Variants in ADGRD1 observed in about 807,000 individuals in gnomAD.
The protein encoded by ADGRD1 is adhesion G protein-coupled receptor D1, also known as G-protein coupled receptor 133.
Under a neutral mutation model 113.4 loss-of-function variants are expected in ADGRD1, and 77 were observed. The observed-to-expected ratio is 0.68, with a 90% CI of 0.57 to 0.82. The LOEUF (loss-of-function observed/expected upper bound fraction) is 0.82, where lower values mean the gene tolerates loss of function less well. Among genes scored for constraint, ADGRD1 ranks in the 40% least tolerant of loss-of-function variants. The probability of loss-of-function intolerance (pLI) is 0.00; values close to 1 mark genes in which losing one functional copy is unlikely to be tolerated. For missense variants in ADGRD1, 1,036 were observed against 1,139.1 expected, an observed-to-expected ratio of 0.91 and a Z score of 1.30; for synonymous variants, 474 against 475.0, an observed-to-expected ratio of 1.00 and a Z score of 0.03.
At chr12:131,117,128 A>C (rs1950485764) in intron 18 of ADGRD1, among the ~76,000 whole-genome samples, 2 of 152,252 alleles carry the variant, frequency 1.3e-5, no homozygotes, top group South Asian at 2.1e-4. Context: ...AATTCCTACA[A>C]GTAGTGTGGC....
intron 8 of ADGRD1, among the ~76,000 whole-genome samples, chr12:130,998,878 G>A (rs140840885): frequency 1.2e-3 from 181 of 152,322 alleles, no homozygotes; most frequent in African/African-American, 1.5e-3. Flanking sequence ...GATTAGCTAC[G>A]TGTGGCTCGT....
intron 13 of ADGRD1, chr12:131,023,555 G>A (rs1879579380): frequency 6.6e-6 from 1 of 152,118 alleles, no homozygotes; most frequent in South Asian, 2.1e-4. Flanking sequence ...CCTGTGAAGG[G>A]TGGTATACCA....
At chr12:131,045,738 T>C (rs989931443) in intron 13 of ADGRD1, among the ~76,000 whole-genome samples, 6 of 152,142 alleles carry the variant, frequency 3.9e-5, no homozygotes, top group Non-Finnish European at 8.8e-5. Flanking sequence ...AGATCATGCT[T>C]TCTCCTTGGG....
At position 131,046,573 on chromosome 12, in the gene ADGRD1, G is replaced by C. The variant is rs370687840; in HGVS notation, c.1474-30228G>C. 2.5e-3 allele frequency among the ~76,000 whole-genome samples: 261 copies of C among 104,850 alleles called. 3 individuals are homozygous for C. Among genetic ancestry groups the C allele is most frequent in the African/African-American group, 0.011 (227 of 21,304 alleles). 68.8% of individuals were successfully genotyped at this position (104,850 alleles called of 152,430 possible). On this transcript the variant is annotated intron_variant, in intron 13 of 24. Transcript: ENST00000261654. Reference sequence around the variant, plus strand: ...CTCCCTGGCCAGTGTCCTCCCTGGTGAGTGCTCCCTCCCTGGTCAGTGTCC... The same window carrying C: ...CTCCCTGGCCAGTGTCCTCCCTGGTCAGTGCTCCCTCCCTGGTCAGTGTCC...
At chr12:131,004,369 C>G in intron 11 of ADGRD1, 73 bp downstream of exon 11, 1 of 964,318 alleles carries the variant, frequency 1.0e-6, no homozygotes, top group East Asian at 2.5e-5. Context: ...CCAAGCTTTG[C>G]TGGGTGCCCA....
chr12:131,087,592 G>A lies in ADGRD1; in HGVS notation c.1671+2929G>A, dbSNP rs1357061027. On this transcript the variant is annotated intron_variant, in intron 15 of 24. Transcript: ENST00000261654. Reference sequence around the variant, plus strand: ...AGGCTGGTGGGACCCAAGCCCACCCGTTGCCCGCACCCTTCAGTGGTAAAT... The same window carrying A: ...AGGCTGGTGGGACCCAAGCCCACCCATTGCCCGCACCCTTCAGTGGTAAAT... Among the ~76,000 whole-genome samples, 5 of 152,200 alleles carry A rather than the reference G, an allele frequency of 3.3e-5. No homozygotes were observed. The South Asian group carries it at 6.2e-4, about 19-fold the overall frequency.
chr12:130,987,439 C>A, intron 6 of ADGRD1, 90 bp downstream of exon 6: 1 of 1,466,276 alleles, frequency 6.8e-7, no homozygotes, highest in Non-Finnish European at 9.4e-7. Flanking sequence ...TCTCCCGTTG[C>A]AGCTATCAGC....
At position 131,003,918 on chromosome 12, in the gene ADGRD1, C is replaced by A. The variant is rs1172861693; in HGVS notation, c.1145-268C>A. Among the ~76,000 whole-genome samples the A allele has an allele frequency of 6.6e-6, 1 of 152,064 alleles. No individual in the cohort carries two copies. The highest frequency in any genetic ancestry group is 2.4e-5 in the African/African-American group (1 of 41,414). On this transcript the variant is annotated intron_variant, in intron 10 of 24. Coordinates refer to ENST00000261654, the MANE Select transcript of ADGRD1 (RefSeq NM_198827.5). This position sits in a 1 kb window ranked among gnomAD's most constrained non-coding sequence, Gnocchi z 4.8. ...TTGCACCGGCCTTGAGAGCTGGGGGCTGTGCTGGGGCGGAGGGCGCCCCAG... is the reference window on the plus strand; with the variant it reads ...TTGCACCGGCCTTGAGAGCTGGGGGATGTGCTGGGGCGGAGGGCGCCCCAG...
intron 15 of ADGRD1, among the ~76,000 whole-genome samples, chr12:131,094,587 C>CT (rs1431458137): frequency 5.3e-5 from 8 of 152,080 alleles, no homozygotes; most frequent in Non-Finnish European, 8.8e-5. Context: ...GCAGCGCCCC[C>CT]CCGACTCCCC....
intron 9 of ADGRD1, among the ~76,000 whole-genome samples, chr12:131,000,707 C>G (rs1233894898): frequency 6.8e-6 from 1 of 146,844 alleles, no homozygotes; most frequent in Non-Finnish European, 1.5e-5. Context: ...TGCCACTGCA[C>G]TCCAGCCTGG....
intron 20 of ADGRD1, among the ~76,000 whole-genome samples, chr12:131,123,861 G>C (rs1175113605): frequency 6.6e-6 from 1 of 151,550 alleles, no homozygotes; most frequent in Non-Finnish European, 1.5e-5. Context: ...TTCAAGTGCA[G>C]AGGCCAGCAA....
Position 131,108,839 on chromosome 12 carries a change from A to T in ADGRD1, c.2003A>T (p.Glu668Val), listed in dbSNP as rs1950289951. 1.3e-6 allele frequency: 2 copies of T among 1,570,274 alleles called. No homozygotes were observed. The highest frequency in any genetic ancestry group is 1.7e-6 in the Non-Finnish European group (2 of 1,152,408). ...YSMVIKVFGS[E>V]DSKHRYYYGM... is the part of the protein sequence containing the mutation. Reference sequence around the variant, plus strand: ...ATGGTGATCAAGGTCTTTGGGTCGGAGGACAGCAAGCACCGTTACTACTAT... The same window carrying T: ...ATGGTGATCAAGGTCTTTGGGTCGGTGGACAGCAAGCACCGTTACTACTAT... Residue 668 changes from glutamate to valine, a missense_variant, in exon 18 of 25, where the codon GAG (glutamate) becomes GTG (valine). By Grantham distance (121) the Glu-to-Val change is moderately radical. Transcript: ENST00000261654.
intron 13 of ADGRD1, among the ~76,000 whole-genome samples, chr12:131,040,550 C>G (rs142711410): frequency 1.4e-3 from 219 of 152,362 alleles, no homozygotes; most frequent in African/African-American, 5.1e-3. Flanking sequence ...CCTGTGAGCA[C>G]CACCGTGGGC....
chr12:131,127,410 C>T (rs1293658349), intron 20 of ADGRD1, among the ~76,000 whole-genome samples: 1 of 152,246 alleles, frequency 6.6e-6, no homozygotes, highest in East Asian at 1.9e-4. Flanking sequence ...GGGGCAGAAC[C>T]ACGCTTTATA....
Position 130,984,810 on chromosome 12 carries a change from T to G in ADGRD1, c.491-2285T>G. Among the ~76,000 whole-genome samples the G allele has an allele frequency of 7.3e-6, 1 of 137,914 alleles. No homozygotes were observed. 90.5% of individuals were successfully genotyped at this position (137,914 alleles called of 152,430 possible). A position where few individuals can be genotyped will look rare whatever the true frequency, so the allele number is the denominator to read the frequency against. On this transcript the variant is annotated intron_variant, in intron 5 of 24. Coordinates refer to ENST00000261654, the MANE Select transcript of ADGRD1 (RefSeq NM_198827.5). This position sits in a 1 kb window ranked among gnomAD's most constrained non-coding sequence, Gnocchi z 4.1. ...TCTTTTCCTTCTTTCCCTCCCTCCC[T>G]TCCTCCCTCCCTTCCTTCCTTCCTT...
chr12:130,995,436 T>C (rs896385021), intron 8 of ADGRD1, among the ~76,000 whole-genome samples: 1 of 152,276 alleles, frequency 6.6e-6, no homozygotes, highest in Admixed American at 6.5e-5. Context: ...CTTTCCTTGC[T>C]GCTTTTCTTC....
intron 13 of ADGRD1, among the ~76,000 whole-genome samples, chr12:131,044,348 T>A (rs145254002): frequency 1.7e-3 from 266 of 152,206 alleles, no homozygotes; most frequent in Middle Eastern, 3.4e-3. Flanking sequence ...GGTCCGCGCG[T>A]GTTGCTGTCC....
At chr12:131,092,480 G>A (rs1886974793) in intron 15 of ADGRD1, among the ~76,000 whole-genome samples, 1 of 152,226 alleles carries the variant, frequency 6.6e-6, no homozygotes, top group Non-Finnish European at 1.5e-5. Flanking sequence ...GGGAAGGGCA[G>A]TGGTCGAGGA....
At chr12:131,051,765 T>C (rs1379436820) in intron 13 of ADGRD1, among the ~76,000 whole-genome samples, 1 of 152,326 alleles carries the variant, frequency 6.6e-6, no homozygotes, top group East Asian at 1.9e-4. Flanking sequence ...GGATTTCAGG[T>C]GTGAGCTACC....
Sources: gnomAD v4.1 joint callset for allele counts (sites outside exome capture counted in the v4.1 genomes callset) on GRCh38, gnomAD v4.1.1 for gene constraint, Gnocchi (gnomAD v3.1) non-coding constraint, MANE v1.5 for transcripts, NCBI Gene and HGNC (gene_info 2026-07-23, HGNC 2026-07-21) for gene names.